The following BAG6 variants were observed in gnomAD, a reference collection of about 807,000 sequenced individuals.
The protein encoded by BAG6 is large proline-rich protein BAG6.
Under a neutral mutation model 121.0 loss-of-function variants are expected in BAG6, and 22 were observed. The observed-to-expected ratio is 0.18, with a 90% CI of 0.13 to 0.26. BAG6 has a LOEUF of 0.26. Among genes scored for constraint, BAG6 ranks in the 10% least tolerant of loss-of-function variants. BAG6 has a pLI of 1.00. For missense variants in BAG6, 1,233 were observed against 1,537.7 expected (o/e 0.80, Z 3.31); for synonymous variants, 583 against 584.6 (o/e 1.00, Z 0.04).
Position 31,646,377 on chromosome 6 carries a change from G to A in BAG6, c.918+17C>T, listed in dbSNP as rs1379141559. 1.2e-6 allele frequency: 2 copies of A among 1,610,954 alleles called. No individual in the cohort carries two copies. Among genetic ancestry groups the A allele is most frequent in the East Asian group, 4.5e-5 (2 of 44,798 alleles). On this transcript the variant is annotated intron_variant, in intron 8 of 25. Coordinates refer to ENST00000676615, the MANE Select transcript of BAG6 (RefSeq NM_001387994.1). ...ACTGGGGCTGAGGAGAAAGGGCAGGGCCATCAAAGGGCTCACATTGTTATT... is the reference window on the plus strand; with the variant it reads ...ACTGGGGCTGAGGAGAAAGGGCAGGACCATCAAAGGGCTCACATTGTTATT...
intron 2 of BAG6, among the ~76,000 whole-genome samples, chr6:31,650,252 A>G (rs1313340703): frequency 6.6e-6 from 1 of 152,198 alleles, no homozygotes; most frequent in Non-Finnish European, 1.5e-5. Flanking sequence ...ACCCCTTTCC[A>G]AACACAAGAT....
chr6:31,645,322 T>A, intron 9 of BAG6, 85 bp downstream of exon 9: 2 of 1,608,716 alleles, frequency 1.2e-6, no homozygotes, highest in South Asian at 1.1e-5. Flanking sequence ...CCTCCTTTCC[T>A]AACCTCCTTC....
chr6:31,639,669 G>A (rs981142289), intron 24 of BAG6, 23 bp from the exon 25 acceptor site: 1 of 1,590,484 alleles, frequency 6.3e-7, no homozygotes, highest in Non-Finnish European at 8.6e-7. Context: ...GGGTTGGGAG[G>A]GAAAAGAGGA....
intron 6 of BAG6, among the ~76,000 whole-genome samples, chr6:31,648,161 G>A (rs936184845): frequency 5.3e-5 from 8 of 151,870 alleles, no homozygotes; most frequent in Non-Finnish European, 1.0e-4. Flanking sequence ...GCCTACAGGC[G>A]CGTGCCACCA....
intron 8 of BAG6, 40 bp from the exon 9 acceptor site, chr6:31,645,644 C>A: frequency 6.2e-7 from 1 of 1,602,192 alleles, no homozygotes; most frequent in Non-Finnish European, 8.5e-7. Flanking sequence ...CAGAAAATAT[C>A]AAGCTGGAGT....
Position 31,642,926 on chromosome 6 carries a change from C to A in BAG6, c.1946G>T (p.Gly649Val), listed in dbSNP as rs941031946. Residue 649 changes from glycine (G) to valine (V), a missense_variant, in exon 15 of 26, where the codon GGG becomes GTG. Physicochemically the swap from Gly to Val is moderately radical, Grantham distance 109 (BLOSUM62 -3). Around this residue, in one of 7 missense-constraint regions of BAG6, gnomAD observed 777 missense variants for 861.4 expected, o/e 0.90. Coordinates refer to ENST00000676615, the MANE Select transcript of BAG6 (RefSeq NM_001387994.1). ...QLLGNLLGPA[G>V]PGAGGSGVAS... Reference sequence around the variant, plus strand: ...CACACCAGACCCTCCAGCCCCTGGCCCTGCAGGCCCTAGCAGGTTCCCCAG... The same window carrying A: ...CACACCAGACCCTCCAGCCCCTGGCACTGCAGGCCCTAGCAGGTTCCCCAG... 12 of 1,609,752 alleles carry A rather than the reference C, an allele frequency of 7.5e-6. No individual in the cohort carries two copies. Among genetic ancestry groups the A allele is most frequent in the Non-Finnish European group, 1.0e-5 (12 of 1,178,204 alleles).
chr6:31,639,761 G>A, intron 24 of BAG6, 115 bp from the exon 25 acceptor site: 2 of 1,252,552 alleles, frequency 1.6e-6, no homozygotes, highest in South Asian at 3.0e-5. Flanking sequence ...CTAGTGGAGA[G>A]AGGGGAAATT....
In BAG6 at chr6:31,646,444, G is replaced by T; in HGVS notation, c.868C>A (p.Arg290Ser). 6.2e-7 allele frequency: 1 copy of T among 1,612,934 alleles called. No homozygotes were observed. The change falls in exon 8 of 26, where the codon CGC (arginine) becomes AGC (serine). Residue 290 changes from arginine (R) to serine (S), a missense_variant. Coordinates refer to ENST00000676615, the MANE Select transcript of BAG6 (RefSeq NM_001387994.1). ...LESRLQPFLQ[R>S]YYEVLGAAAT... ...GCAGCACCCAGAACCTCGTAGTAGC[G>T]CTGCAAGAAGGGCTGGAGGCGACTC...
chr6:31,645,602 G>C lies in BAG6; in HGVS notation c.921C>G (p.His307Gln). 6.2e-7 allele frequency: 1 copy of C among 1,612,860 alleles called. No homozygotes were observed. The highest frequency in any genetic ancestry group is 1.6e-4 in the Middle Eastern group (1 of 6,062). ...ACCGCTGATCCTCCTCCCGGCCCTCGTGCTGCGCACAACCAGCCAAACACA... is the reference window on the plus strand; with the variant it reads ...ACCGCTGATCCTCCTCCCGGCCCTCCTGCTGCGCACAACCAGCCAAACACA... ...AAATTDYNNN[H>Q]EGREEDQRLI... The change falls in exon 9 of 26, where the codon CAC (histidine) becomes CAG (glutamine). Residue 307 changes from histidine to glutamine, a missense_variant and splice_region_variant. Transcript: ENST00000676615.
Position 31,642,144 on chromosome 6 carries a change from T to C in BAG6, c.2303A>G (p.Asn768Ser). 1.2e-6 allele frequency: 2 copies of C among 1,612,890 alleles called. No individual in the cohort carries two copies. Among genetic ancestry groups the C allele is most frequent in the Non-Finnish European group, 1.7e-6 (2 of 1,179,952 alleles). Residue 768 changes from asparagine (N) to serine (S), a missense_variant, in exon 16 of 26, where the codon AAC (asparagine) becomes AGC (serine). By Grantham distance (46) the Asn-to-Ser change is conservative (BLOSUM62 1). This residue lies in a region of BAG6 where 288 missense variants were observed against 483.1 expected (regional missense o/e 0.60). Coordinates refer to ENST00000676615, the MANE Select transcript of BAG6 (RefSeq NM_001387994.1). Reference sequence around the variant, plus strand: ...CCCATCAGCTCCAGGCTCAAAGATGTTGCTGGATCCACTGAGGCGTTGTAT... The same window carrying C: ...CCCATCAGCTCCAGGCTCAAAGATGCTGCTGGATCCACTGAGGCGTTGTAT... ...AFIQRLSGSS[N>S]IFEPGADGAL...
chr6:31,647,786 G>T lies in BAG6; in HGVS notation c.593C>A (p.Pro198Gln), dbSNP rs1432851591. The T allele has an allele frequency of 3.2e-6, 5 of 1,581,676 alleles. No homozygotes were observed. Among genetic ancestry groups the T allele is most frequent in the Non-Finnish European group, 4.3e-6 (5 of 1,167,690 alleles). The change falls in exon 7 of 26, where the codon CCG (proline) becomes CAG (glutamine). Residue 198 changes from proline to glutamine, a missense_variant. This residue lies in a region of BAG6 where 777 missense variants were observed against 861.4 expected (regional missense o/e 0.90). Transcript: ENST00000676615. ...GPQPQHSQPPPQPPAVTPEPV... is the reference protein window; with the variant it reads ...GPQPQHSQPPQQPPAVTPEPV... Reference sequence around the variant, plus strand: ...CTCCGGGGTCACAGCCGGTGGCTGCGGGGGCGGCTGACTGTGCTGCGGTTG... The same window carrying T: ...CTCCGGGGTCACAGCCGGTGGCTGCTGGGGCGGCTGACTGTGCTGCGGTTG...
At position 31,642,117 on chromosome 6, in the gene BAG6, G is replaced by A; in HGVS notation, c.2330C>T (p.Ala777Val). The change falls in exon 16 of 26, where the codon GCC becomes GTC. Residue 777 changes from alanine to valine, a missense_variant. By Grantham distance (64) the Ala-to-Val change is moderately conservative (BLOSUM62 0). Coordinates refer to ENST00000676615, the MANE Select transcript of BAG6 (RefSeq NM_001387994.1). ...SNIFEPGADG[A>V]LGFFGALLSL... is the part of the protein sequence containing the mutation. The stretch of plus-strand genomic sequence containing the variant: ...AAAGCATCCTTTTTGCTCACCAAGG[G>A]CCCCATCAGCTCCAGGCTCAAAGAT... The A allele has an allele frequency of 6.2e-7, 1 of 1,611,686 alleles. No individual in the cohort carries two copies. Among genetic ancestry groups the A allele is most frequent in the Non-Finnish European group, 8.5e-7 (1 of 1,179,052 alleles).
At position 31,649,331 on chromosome 6, in the gene BAG6, C is replaced by T. The variant is rs1793752084; in HGVS notation, c.291G>A (p.Gly97=). Residue 97 remains glycine, a synonymous_variant, in exon 4 of 26, where the codon GGG becomes GGA. Transcript: ENST00000676615. ...RAPPQTHLPS[G]ASSGTGSASA... ...AGGCAGACCCCGTCCCAGAAGATGC[C>T]CCAGAAGGGAGGTGAGTCTGAGGAG... The T allele has an allele frequency of 6.2e-7, 1 of 1,613,150 alleles. No homozygotes were observed. Among genetic ancestry groups the T allele is most frequent in the Admixed American group, 1.7e-5 (1 of 59,926 alleles).
At position 31,652,357 on chromosome 6, in the gene BAG6, ACACC is replaced by A. The variant is rs9281545; in HGVS notation, c.-14+63_-14+66del. On this transcript the variant is annotated intron_variant, in intron 1 of 25. Transcript: ENST00000676615. The stretch of plus-strand genomic sequence containing the variant: ...CACACACACACACACACACACACAC[ACACC>A]CACCACCCCGCGGCTCCGCCCCCGA... 2.4e-4 allele frequency: 34 copies of A among 143,178 alleles called. 2 individuals carry two copies. The highest frequency in any genetic ancestry group is 2.0e-3 in the East Asian group (10 of 4,886). 8.9% of individuals were successfully genotyped at this position (143,178 alleles called of 1,614,324 possible). A position where few individuals can be genotyped will look rare whatever the true frequency, so the allele number is the denominator to read the frequency against.
rs370953638 is a variant in BAG6, at chr6:31,641,523, G to C, written c.2559+16C>G. The C allele has an allele frequency of 1.3e-4, 212 of 1,614,154 alleles. 4 individuals carry two copies. In the East Asian group the frequency reaches 3.3e-3, roughly 25 times the overall value. The stretch of plus-strand genomic sequence containing the variant: ...CCAGACCCAGGAGAGGAAAGGAATA[G>C]AGAAGGGTTACTCACAAAACTCTCC... On this transcript the variant is annotated intron_variant, in intron 18 of 25. Coordinates refer to ENST00000676615, the MANE Select transcript of BAG6 (RefSeq NM_001387994.1). The surrounding 1 kb of genome is among the most constrained non-coding windows in gnomAD (Gnocchi z 5.7).
intron 1 of BAG6, 63 bp downstream of exon 1, chr6:31,652,361 C>CACA (rs753850519): frequency 0.01 from 1,137 of 110,352 alleles, 17 homozygotes; most frequent in South Asian, 0.032. Flanking sequence ...ACACACACAC[C>CACA]CACCACCCCG....
Position 31,641,340 on chromosome 6 carries a change from G to A in BAG6, c.2642C>T (p.Ala881Val), listed in dbSNP as rs776609828. 1.5e-5 allele frequency: 24 copies of A among 1,614,108 alleles called. No individual in the cohort carries two copies. In the Admixed American group the frequency reaches 2.0e-4, roughly 13 times the overall value. ...FLQEQFNSIA[A>V]HVLHCTDSGF... Reference sequence around the variant, plus strand: ...CTGACCTGTGCAATGCAGCACATGCGCAGCAATGCTATTAAACTGCTCTTG... The same window carrying A: ...CTGACCTGTGCAATGCAGCACATGCACAGCAATGCTATTAAACTGCTCTTG... Residue 881 changes from alanine to valine, a missense_variant, in exon 19 of 26, where the codon GCG (alanine) becomes GTG (valine). Ala to Val is a moderately conservative substitution (Grantham distance 64). Transcript: ENST00000676615. This position sits in a 1 kb window ranked among gnomAD's most constrained non-coding sequence, Gnocchi z 5.7.
chr6:31,641,044 G>A lies in BAG6; in HGVS notation c.2787+60C>T. On this transcript the variant is annotated intron_variant, in intron 20 of 25. Transcript: ENST00000676615. This position sits in a 1 kb window ranked among gnomAD's most constrained non-coding sequence, Gnocchi z 5.7. The stretch of plus-strand genomic sequence containing the variant: ...AGTTTAGAAAAGAAAAATGAAAACT[G>A]CAGAGAATGGAAACCTCAGGAAACA... 1 of 1,603,274 alleles carries A rather than the reference G, an allele frequency of 6.2e-7. No homozygotes were observed. Among genetic ancestry groups the A allele is most frequent in the South Asian group, 1.1e-5 (1 of 90,050 alleles).
At chr6:31,639,787 G>C in intron 24 of BAG6, 141 bp from the exon 25 acceptor site, 2 of 1,040,474 alleles carry the variant, frequency 1.9e-6, no homozygotes, top group Non-Finnish European at 2.7e-6. Flanking sequence ...TCCAGGATGT[G>C]GTTTTTACAG....
Sources: allele counts gnomAD v4.1 joint callset (sites outside exome capture counted in the v4.1 genomes callset), GRCh38; gene constraint gnomAD v4.1.1; regional missense constraint gnomAD v4.1.1; non-coding constraint Gnocchi (gnomAD v3.1); transcripts MANE v1.5; gene names NCBI Gene and HGNC (gene_info 2026-07-23, HGNC 2026-07-21).